Variants in ODF2L observed in about 807,000 individuals in gnomAD.
The protein encoded by ODF2L is outer dense fiber of sperm tails 2 like, also known as protein BCAP.
ODF2L carries 76 observed loss-of-function variants against 86.3 expected under a neutral mutation model. The observed-to-expected ratio is 0.88, with a 90% CI of 0.73 to 1.07. The LOEUF (loss-of-function observed/expected upper bound fraction) is 1.07. ODF2L is among the 50% of genes least tolerant of loss of function. The pLI, the probability that ODF2L is intolerant of heterozygous loss-of-function variation, is 0.00. For missense variants in ODF2L, 748 were observed against 717.4 expected (o/e 1.04, Z -0.49); for synonymous variants, 241 against 231.3 (o/e 1.04, Z -0.38).
chr1:86,390,993 A>G (rs1410208803), intron 1 of ODF2L, among the ~76,000 whole-genome samples: 1 of 152,204 alleles, frequency 6.6e-6, no homozygotes, highest in Non-Finnish European at 1.5e-5. Context: ...AAGATACAAA[A>G]TTAATGTACA....
At chr1:86,360,446 T>A in exon 12 of ODF2L, 1 of 1,540,800 alleles carries the variant, frequency 6.5e-7, no homozygotes, top group Non-Finnish European at 9.0e-7. Context: ...TACATTTCAA[T>A]AAGGGTTTTC....
chr1:86,359,842 T>G (rs1485299938), intron 12 of ODF2L, among the ~76,000 whole-genome samples: 2 of 152,066 alleles, frequency 1.3e-5, no homozygotes, highest in Non-Finnish European at 2.9e-5. Flanking sequence ...TAATTCAAAC[T>G]CTCTCTGACC....
chr1:86,385,782 C>A, intron 2 of ODF2L, 192 bp from the exon 3 acceptor site: 1 of 420,008 alleles, frequency 2.4e-6, no homozygotes, highest in Non-Finnish European at 4.2e-6. Context: ...TTTACTTGTA[C>A]GTAATCACAA....
exon 2 of ODF2L, chr1:86,387,082 GA>G: frequency 1.3e-6 from 1 of 751,242 alleles, no homozygotes; most frequent in South Asian, 2.0e-5. Flanking sequence ...CACATAAGCT[GA>G]AAGCTAGGAA....
chr1:86,388,141 C>G (rs1376254268), intron 1 of ODF2L, among the ~76,000 whole-genome samples: 2 of 152,046 alleles, frequency 1.3e-5, no homozygotes, highest in Non-Finnish European at 2.9e-5. Flanking sequence ...AAAAGAACTG[C>G]TGAGTAACCA....
downstream of ODF2L, chr1:86,348,860 C>T (rs1657938142): frequency 6.4e-7 from 1 of 1,553,594 alleles, no homozygotes; most frequent in African/African-American, 1.4e-5. Flanking sequence ...TTCAAACACA[C>T]TTCCTGATGT....
rs762453071 is a variant in ODF2L, at chr1:86,394,815, GTTT to G, written c.-60+1215_-60+1217del. ...TCAAACTAATTTCAAAAGCAGACAGGTTTTCTGCAGTTTGTTTCTTTTTCCTTT... is the reference window on the plus strand; with the variant it reads ...TCAAACTAATTTCAAAAGCAGACAGGTCTGCAGTTTGTTTCTTTTTCCTTT... On this transcript the variant is annotated intron_variant, in intron 1 of 17. Coordinates refer to ENST00000317336, the Ensembl canonical transcript of ODF2L. Among the ~76,000 whole-genome samples the G allele has an allele frequency of 6.0e-5, 9 of 148,916 alleles. No individual in the cohort carries two copies. In the East Asian group the frequency reaches 1.6e-3, roughly 26 times the overall value.
chr1:86,367,156 A>T (rs1659496388), intron 11 of ODF2L, among the ~76,000 whole-genome samples: 1 of 152,198 alleles, frequency 6.6e-6, no homozygotes, highest in Admixed American at 6.5e-5. Flanking sequence ...ACTCTGACTT[A>T]TGGAAAACCA....
chr1:86,376,967 T>TA (rs889151351), intron 7 of ODF2L, among the ~76,000 whole-genome samples: 3 of 152,188 alleles, frequency 2.0e-5, no homozygotes, highest in Non-Finnish European at 4.4e-5. Flanking sequence ...TCCAAAGTCT[T>TA]ACTTCATTCC....
At chr1:86,353,671 C>A (rs529310649) in intron 16 of ODF2L, among the ~76,000 whole-genome samples, 2 of 152,262 alleles carry the variant, frequency 1.3e-5, no homozygotes, top group Middle Eastern at 3.4e-3. Context: ...TGTCCTCCAA[C>A]CTAATTCCTA....
At chr1:86,355,640 C>G (rs1349092435) in intron 14 of ODF2L, among the ~76,000 whole-genome samples, 2 of 152,114 alleles carry the variant, frequency 1.3e-5, no homozygotes, top group Non-Finnish European at 2.9e-5. Flanking sequence ...AGTATTAAGC[C>G]TAGTACCTGT....
chr1:86,351,881 T>C (rs1024774358), exon 18 of ODF2L: 7 of 1,061,864 alleles, frequency 6.6e-6, no homozygotes, highest in Non-Finnish European at 5.7e-6. Context: ...TTTATTTTAC[T>C]AGCTTTAGCC....
intron 3 of ODF2L, 127 bp downstream of exon 3, chr1:86,385,331 T>C (rs1660869199): frequency 7.0e-6 from 4 of 568,104 alleles, no homozygotes; most frequent in Middle Eastern, 4.8e-4. Context: ...AGAATTCTGA[T>C]AAACCCTCAT....
At chr1:86,359,286 C>T (rs1030677961) in intron 12 of ODF2L, among the ~76,000 whole-genome samples, 3 of 151,840 alleles carry the variant, frequency 2.0e-5, no homozygotes, top group Admixed American at 6.6e-5. Flanking sequence ...AGAATATGGT[C>T]ACTCAACCAC....
rs1259106032 is a variant in ODF2L at position 86,376,377 on chromosome 1, T to C, written c.666A>G (p.Arg222=). ...TCACTATAGCCTCATTCTTATTCAT[T>C]CTTGATTGCAGGTTCCACTTGGCTA... The change falls in exon 8 of 18, where the codon AGA becomes AGG. Residue 222 remains arginine, a synonymous_variant. Coordinates refer to ENST00000317336, the Ensembl canonical transcript of ODF2L. 75 of 1,606,984 alleles carry C rather than the reference T, an allele frequency of 4.7e-5. 2 individuals are homozygous for C. The Admixed American group carries it at 1.2e-3, about 27-fold the overall frequency.
chr1:86,354,261 TAA>T (rs1312538301), intron 16 of ODF2L, among the ~76,000 whole-genome samples: 1 of 152,184 alleles, frequency 6.6e-6, no homozygotes, highest in East Asian at 1.9e-4. Flanking sequence ...TGGTTGTATA[TAA>T]AAAAGGTACA....
intron 7 of ODF2L, among the ~76,000 whole-genome samples, chr1:86,378,685 G>A (rs1570412138): frequency 6.6e-6 from 1 of 152,122 alleles, no homozygotes; most frequent in African/African-American, 2.4e-5. Flanking sequence ...GAGCCAAGGG[G>A]GGAAGCCCCT....
At chr1:86,359,082 G>C (rs1292355989) in intron 12 of ODF2L, among the ~76,000 whole-genome samples, 191 bp from the exon 12 acceptor site, 2 of 151,988 alleles carry the variant, frequency 1.3e-5, no homozygotes, top group Non-Finnish European at 2.9e-5. Context: ...ATCTTTGTCT[G>C]ATTTACCTGT....
intron 8 of ODF2L, among the ~76,000 whole-genome samples, chr1:86,375,193 G>A (rs532235236): frequency 1.3e-4 from 20 of 152,182 alleles, no homozygotes; most frequent in African/African-American, 4.8e-4. Flanking sequence ...GCTATTGTGA[G>A]CCAGGGAAGA....
Sources: gnomAD v4.1 joint callset for allele counts (sites outside exome capture counted in the v4.1 genomes callset) on GRCh38, gnomAD v4.1.1 for gene constraint, MANE v1.5 for transcripts, NCBI Gene and HGNC (gene_info 2026-07-23, HGNC 2026-07-21) for gene names.